MAD1L1: variants seen among roughly 807,000 people sequenced by gnomAD.
The protein encoded by MAD1L1 is mitotic spindle assembly checkpoint protein MAD1.
In MAD1L1, 95 loss-of-function variants were observed where a neutral mutation model predicts 96.9. The observed-to-expected ratio is 0.98, with a 90% CI of 0.83 to 1.16. The LOEUF is 1.16. Ranked by LOEUF, MAD1L1 falls within the 50% of genes most tolerant of loss-of-function variation. The pLI is 0.00. For missense variants in MAD1L1, 1,007 were observed against 954.4 expected (o/e 1.06, Z -0.73); for synonymous variants, 473 against 396.6 (o/e 1.19, Z -2.29).
intron 15 of MAD1L1, among the ~76,000 whole-genome samples, chr7:1,969,561 G>C (rs1199522434): frequency 1.3e-5 from 2 of 152,110 alleles, no homozygotes; most frequent in Admixed American, 6.5e-5. Context: ...ATCCAAATTG[G>C]AAAAGAAAAA....
At chr7:2,075,118 G>A (rs7783790) in intron 11 of MAD1L1, among the ~76,000 whole-genome samples, 28 of 152,296 alleles carry the variant, frequency 1.8e-4, no homozygotes, top group African/African-American at 6.7e-4. Context: ...TCGAGAGGAG[G>A]GGAAGGTCCA....
chr7:1,853,996 T>C (rs1038523872), intron 18 of MAD1L1, among the ~76,000 whole-genome samples: 1 of 152,210 alleles, frequency 6.6e-6, no homozygotes, highest in Non-Finnish European at 1.5e-5. Flanking sequence ...CCCGGCGCCA[T>C]TCTCATGCCG....
chr7:1,895,657 G>A (rs547829356), intron 18 of MAD1L1, among the ~76,000 whole-genome samples: 1 of 152,388 alleles, frequency 6.6e-6, no homozygotes, highest in Non-Finnish European at 1.5e-5. Context: ...CAGGCATGGT[G>A]GGTGGCCGGA....
chr7:1,982,080 G>A (rs1446600023), intron 14 of MAD1L1, among the ~76,000 whole-genome samples: 3 of 152,104 alleles, frequency 2.0e-5, no homozygotes, highest in South Asian at 2.1e-4. Context: ...CTGCTGGTGC[G>A]CATGCCAGCA....
Position 1,937,391 on chromosome 7 carries a change from G to A in MAD1L1, c.1597-494C>T, listed in dbSNP as rs113043463. Among the ~76,000 whole-genome samples the A allele has an allele frequency of 3.7e-4, 56 of 152,320 alleles. No individual in the cohort carries two copies. In the East Asian group the frequency reaches 8.9e-3, roughly 24 times the overall value. On this transcript the variant is annotated intron_variant, in intron 16 of 18. Transcript: ENST00000265854. ...GAAGGCAAGGGAGCCTGGCATCAGC[G>A]TGGGTGGCTCAGGAATGCGCCTCGC...
intron 12 of MAD1L1, among the ~76,000 whole-genome samples, chr7:2,065,252 T>C (rs1221459507): frequency 6.6e-6 from 1 of 152,196 alleles, no homozygotes; most frequent in Non-Finnish European, 1.5e-5. Flanking sequence ...AGCTGTCTCC[T>C]GGATGGATCT....
chr7:2,062,654 G>T (rs1329397827), intron 12 of MAD1L1, among the ~76,000 whole-genome samples: 3 of 152,154 alleles, frequency 2.0e-5, no homozygotes, highest in Non-Finnish European at 4.4e-5. Context: ...AGGCACGAGG[G>T]TCTTGCTGGG....
chr7:1,891,092 G>C (rs1424856834), intron 18 of MAD1L1, among the ~76,000 whole-genome samples: 1 of 152,186 alleles, frequency 6.6e-6, no homozygotes, highest in Non-Finnish European at 1.5e-5. Flanking sequence ...GGAAAAAAGG[G>C]TGCACAGAAG....
At chr7:1,864,816 G>A (rs1269803623) in intron 18 of MAD1L1, among the ~76,000 whole-genome samples, 4 of 152,048 alleles carry the variant, frequency 2.6e-5, no homozygotes, top group South Asian at 2.1e-4. Context: ...CCCCTTTCTC[G>A]CTGCGTACTC....
chr7:2,149,603 A>G (rs1270870320), intron 10 of MAD1L1, among the ~76,000 whole-genome samples: 1 of 152,116 alleles, frequency 6.6e-6, no homozygotes, highest in Non-Finnish European at 1.5e-5. Context: ...TCCTTTCCTC[A>G]CCTCTCCTTC....
chr7:1,898,814 C>T (rs1022820169), intron 17 of MAD1L1, among the ~76,000 whole-genome samples: 5 of 152,146 alleles, frequency 3.3e-5, no homozygotes, highest in Admixed American at 2.0e-4. Context: ...GGGATTTAGG[C>T]GAGAACCGCG....
intron 13 of MAD1L1, among the ~76,000 whole-genome samples, chr7:2,003,884 G>C (rs953244702): frequency 2.6e-5 from 4 of 152,216 alleles, no homozygotes; most frequent in African/African-American, 4.8e-5. Flanking sequence ...CTCACAGCCA[G>C]CTGAACCCTG....
intron 11 of MAD1L1, among the ~76,000 whole-genome samples, chr7:2,080,273 T>C (rs1033461798): frequency 2.0e-5 from 3 of 152,204 alleles, no homozygotes; most frequent in African/African-American, 7.2e-5. Flanking sequence ...AAGCCAAAAG[T>C]ATTTACCATA....
At chr7:2,218,505 G>A (rs941333255) in intron 6 of MAD1L1, among the ~76,000 whole-genome samples, 11 of 152,188 alleles carry the variant, frequency 7.2e-5, no homozygotes, top group Non-Finnish European at 1.5e-4. Context: ...TCTCCTGACT[G>A]CACCTCCAGA....
chr7:2,232,754 G>C (rs1362682117), intron 1 of MAD1L1, 118 bp downstream of exon 1: 1 of 152,258 alleles, frequency 6.6e-6, no homozygotes, highest in Non-Finnish European at 1.5e-5. Flanking sequence ...ACGGGGTCTG[G>C]GTCGTTGTGC....
intron 10 of MAD1L1, among the ~76,000 whole-genome samples, chr7:2,189,863 A>C (rs1791637462): frequency 6.6e-6 from 1 of 152,240 alleles, no homozygotes; most frequent in Non-Finnish European, 1.5e-5. Context: ...CCTGATGAAC[A>C]GTATCTCGCA....
chr7:2,047,507 TG>T (rs1783977386), intron 12 of MAD1L1, among the ~76,000 whole-genome samples: 1 of 152,238 alleles, frequency 6.6e-6, no homozygotes, highest in Admixed American at 6.5e-5. Context: ...GAGCACACTC[TG>T]GGTCTGTAAA....
chr7:2,124,900 G>A (rs544147455), intron 11 of MAD1L1, among the ~76,000 whole-genome samples: 98 of 152,340 alleles, frequency 6.4e-4, no homozygotes, highest in African/African-American at 2.3e-3. Flanking sequence ...CCTGGAGCTT[G>A]AGAAGGGTGC....
intron 11 of MAD1L1, among the ~76,000 whole-genome samples, chr7:2,128,921 C>T (rs1788370794): frequency 2.0e-5 from 3 of 152,200 alleles, no homozygotes; most frequent in Admixed American, 2.0e-4. Flanking sequence ...ACACGGACCA[C>T]AGGGAGGAGG....
Sources: allele counts gnomAD v4.1 joint callset (sites outside exome capture counted in the v4.1 genomes callset), GRCh38; gene constraint gnomAD v4.1.1; transcripts MANE v1.5; gene names NCBI Gene and HGNC (gene_info 2026-07-23, HGNC 2026-07-21).